The following LEKR1 variants were observed in gnomAD, a reference collection of about 807,000 sequenced individuals.
LEKR1 encodes protein LEKR1.
Under a neutral mutation model 72.4 loss-of-function variants are expected in LEKR1, and 59 were observed. That is an observed-to-expected ratio of 0.82 (90% CI 0.66 to 1.01). The LOEUF is 1.01. Ranked by LOEUF, LEKR1 falls within the 50% of genes least tolerant of loss-of-function variation. LEKR1 has a pLI of 0.00. For missense variants in LEKR1, 728 were observed against 759.2 expected, an observed-to-expected ratio of 0.96 and a Z score of 0.48; for synonymous variants, 257 against 263.2, an observed-to-expected ratio of 0.98 and a Z score of 0.23.
intron 3 of LEKR1, among the ~76,000 whole-genome samples, chr3:156,877,696 G>T (rs1269669025): frequency 6.6e-6 from 1 of 151,822 alleles, no homozygotes; most frequent in Non-Finnish European, 1.5e-5. Context: ...GGCTTATTTG[G>T]TTCTTCTCTC....
intron 6 of LEKR1, among the ~76,000 whole-genome samples, chr3:156,947,335 A>G (rs1726776225): frequency 6.6e-6 from 1 of 151,134 alleles, no homozygotes; most frequent in African/African-American, 2.4e-5. Flanking sequence ...TTCCAATTGT[A>G]TCAGTATTAT....
At chr3:156,955,894 C>T (rs952598347) in intron 6 of LEKR1, among the ~76,000 whole-genome samples, 55 of 149,552 alleles carry the variant, frequency 3.7e-4, no homozygotes, top group African/African-American at 1.3e-3. Flanking sequence ...CAGACAAGTT[C>T]AGCACTAGCT....
chr3:157,029,121 T>C (rs769150669), intron 12 of LEKR1, among the ~76,000 whole-genome samples: 12 of 152,194 alleles, frequency 7.9e-5, no homozygotes, highest in Admixed American at 3.3e-4. Flanking sequence ...TGAGAAGTAA[T>C]ATCTTTGTTG....
intron 10 of LEKR1, among the ~76,000 whole-genome samples, chr3:157,024,250 T>A (rs1008083430): frequency 5.9e-5 from 9 of 152,190 alleles, no homozygotes; most frequent in Admixed American, 1.3e-4. Flanking sequence ...CATTACTGAC[T>A]CTTTTCCTTT....
chr3:156,848,841 G>A (rs1055299429), intron 2 of LEKR1, among the ~76,000 whole-genome samples: 7 of 152,058 alleles, frequency 4.6e-5, no homozygotes, highest in African/African-American at 1.4e-4. Flanking sequence ...AGTAACTAAG[G>A]TAATAACCAA....
At chr3:156,904,668 A>G (rs1041455183) in intron 3 of LEKR1, among the ~76,000 whole-genome samples, 1 of 150,622 alleles carries the variant, frequency 6.6e-6, no homozygotes, top group Non-Finnish European at 1.5e-5. Context: ...ATATATATAT[A>G]TATATATATT....
At chr3:156,940,436 A>G (rs1305595008) in intron 5 of LEKR1, among the ~76,000 whole-genome samples, 1 of 152,184 alleles carries the variant, frequency 6.6e-6, no homozygotes, top group African/African-American at 2.4e-5. Context: ...GTGCTGAGAC[A>G]GGAAAGGTTC....
intron 12 of LEKR1, among the ~76,000 whole-genome samples, chr3:157,034,682 A>G (rs1417526265): frequency 1.3e-5 from 2 of 152,238 alleles, no homozygotes; most frequent in African/African-American, 4.8e-5. Flanking sequence ...GTTTGAGAGG[A>G]TTGACTCCAA....
chr3:156,913,187 A>G (rs1723280845), intron 3 of LEKR1, among the ~76,000 whole-genome samples: 1 of 152,194 alleles, frequency 6.6e-6, no homozygotes, highest in African/African-American at 2.4e-5. Flanking sequence ...TGATAGTTTG[A>G]TAGGGATAGC....
At chr3:156,889,564 T>C (rs1025400607) in intron 3 of LEKR1, among the ~76,000 whole-genome samples, 2 of 152,172 alleles carry the variant, frequency 1.3e-5, no homozygotes, top group African/African-American at 4.8e-5. Flanking sequence ...TGAAAACAAA[T>C]GTTTGTAAGA....
At chr3:156,877,459 TG>T (rs1303627135) in intron 3 of LEKR1, among the ~76,000 whole-genome samples, 1 of 152,134 alleles carries the variant, frequency 6.6e-6, no homozygotes, top group Non-Finnish European at 1.5e-5. Flanking sequence ...TGTGTTTTTT[TG>T]TTGGCAACTT....
chr3:157,020,257 TA>T (rs1246346851), intron 10 of LEKR1, among the ~76,000 whole-genome samples: 8 of 82,838 alleles, frequency 9.7e-5, no homozygotes, highest in African/African-American at 3.9e-4. Context: ...GATTTTCTTT[TA>T]TTATTATTAT....
At chr3:156,827,384 C>G (rs761687219) in intron 1 of LEKR1, among the ~76,000 whole-genome samples, 3 of 152,162 alleles carry the variant, frequency 2.0e-5, no homozygotes, top group Non-Finnish European at 2.9e-5. Flanking sequence ...CGTTATGGAG[C>G]TGTGCATTAC....
At chr3:157,020,522 C>T (rs57202263) in intron 10 of LEKR1, among the ~76,000 whole-genome samples, 2,770 of 145,166 alleles carry the variant, frequency 0.019, 67 homozygotes, top group East Asian at 0.1. Flanking sequence ...AGTGAGAACA[C>T]GCGGTGTTTG....
At chr3:156,996,890 C>T (rs1394221641) in intron 9 of LEKR1, among the ~76,000 whole-genome samples, 1 of 152,020 alleles carries the variant, frequency 6.6e-6, no homozygotes, top group Admixed American at 6.6e-5. Flanking sequence ...CATAGTGAAA[C>T]CCCGTCTCTT....
intron 12 of LEKR1, among the ~76,000 whole-genome samples, chr3:157,043,704 T>C (rs980804126): frequency 1.6e-4 from 24 of 152,216 alleles, no homozygotes; most frequent in African/African-American, 5.8e-4. Flanking sequence ...AATCTTCCTC[T>C]CTATTCCCTC....
At chr3:156,975,564 C>T (rs576568563) in intron 6 of LEKR1, among the ~76,000 whole-genome samples, 2 of 152,228 alleles carry the variant, frequency 1.3e-5, no homozygotes, top group South Asian at 4.1e-4. Context: ...TATAAAATAG[C>T]TAATTATGAA....
At chr3:156,941,659 C>A (rs1726221698) in intron 5 of LEKR1, among the ~76,000 whole-genome samples, 1 of 152,048 alleles carries the variant, frequency 6.6e-6, no homozygotes, top group African/African-American at 2.4e-5. Context: ...TCTGAAAAAG[C>A]AGACTGTCCA....
At chr3:156,985,493 G>A (rs938535935) in intron 7 of LEKR1, among the ~76,000 whole-genome samples, 2 of 152,140 alleles carry the variant, frequency 1.3e-5, no homozygotes, top group Non-Finnish European at 2.9e-5. Context: ...CTAATCCCTG[G>A]AATCTGTATG....
Sources: allele counts gnomAD v4.1 joint callset (sites outside exome capture counted in the v4.1 genomes callset), GRCh38; gene constraint gnomAD v4.1.1; transcripts MANE v1.5; gene names NCBI Gene and HGNC (gene_info 2026-07-23, HGNC 2026-07-21).